Variants in GRM5 observed in about 807,000 individuals in gnomAD.
The protein encoded by GRM5 is metabotropic glutamate receptor 5.
Under a neutral mutation model 83.1 loss-of-function variants are expected in GRM5, and 19 were observed. That is an observed-to-expected ratio of 0.23 (90% CI 0.16 to 0.34). GRM5 has a LOEUF of 0.34. GRM5 is among the 10% of genes least tolerant of loss of function. The pLI is 1.00. For synonymous variants in GRM5, 675 were observed against 633.6 expected (o/e 1.07, Z -0.98); for missense variants, 1,160 against 1,588.3 (o/e 0.73, Z 4.58).
intron 3 of GRM5, among the ~76,000 whole-genome samples, chr11:88,735,279 A>G (rs1002060540): frequency 2.0e-5 from 3 of 152,040 alleles, no homozygotes; most frequent in African/African-American, 7.2e-5. Flanking sequence ...CTTCTCTGGC[A>G]CTTTGTGGTC....
chr11:88,738,652 ATCCT>A (rs1008926161), intron 3 of GRM5, among the ~76,000 whole-genome samples: 7 of 152,138 alleles, frequency 4.6e-5, no homozygotes, highest in East Asian at 3.9e-4. Context: ...ATATGCCCTG[ATCCT>A]TCCTTCCACC....
intron 3 of GRM5, among the ~76,000 whole-genome samples, chr11:88,832,954 T>C (rs1944022184): frequency 6.6e-6 from 1 of 152,012 alleles, no homozygotes; most frequent in Non-Finnish European, 1.5e-5. Flanking sequence ...TCATGATATA[T>C]AAAAACATCT....
At chr11:88,615,904 C>G (rs747653249) in intron 4 of GRM5, among the ~76,000 whole-genome samples, 3 of 152,026 alleles carry the variant, frequency 2.0e-5, no homozygotes, top group African/African-American at 4.8e-5. Context: ...GGTGAATATG[C>G]AAGATGACAT....
chr11:88,910,354 G>T (rs1236415311), intron 2 of GRM5, among the ~76,000 whole-genome samples: 2 of 151,958 alleles, frequency 1.3e-5, no homozygotes. Flanking sequence ...GCTATCATAA[G>T]TAATGTTTTT....
intron 4 of GRM5, among the ~76,000 whole-genome samples, chr11:88,615,574 T>TC (rs1938454039): frequency 6.7e-6 from 1 of 148,952 alleles, no homozygotes; most frequent in Admixed American, 6.8e-5. Flanking sequence ...GCTAACAAAA[T>TC]CAGGACTTTA....
At chr11:89,023,849 CTAAATAAATAAATAAA>C (rs71946693) in intron 2 of GRM5, among the ~76,000 whole-genome samples, 51,232 of 134,344 alleles carry the variant, frequency 0.38, 9,978 homozygotes, top group Non-Finnish European at 0.42. Flanking sequence ...GACTTCATCT[CTAAATAAATAAATAAA>C]TAAATAAATA....
At chr11:88,762,259 G>A (rs1942537127) in intron 3 of GRM5, among the ~76,000 whole-genome samples, 7 of 152,082 alleles carry the variant, frequency 4.6e-5, no homozygotes, top group South Asian at 2.1e-4. Flanking sequence ...ATAACCAACA[G>A]AATGGGAGAA....
intron 3 of GRM5, among the ~76,000 whole-genome samples, chr11:88,843,141 C>T (rs1424108376): frequency 2.0e-4 from 30 of 152,214 alleles, no homozygotes; most frequent in Non-Finnish European, 4.4e-5. Context: ...CTGTCCTACA[C>T]ATCTGTTGGC....
At chr11:88,802,674 G>A (rs1371979677) in intron 3 of GRM5, among the ~76,000 whole-genome samples, 1 of 151,880 alleles carries the variant, frequency 6.6e-6, no homozygotes, top group Non-Finnish European at 1.5e-5. Context: ...AGTGTTGGAA[G>A]TTCTGGCCAG....
At chr11:88,647,350 T>C (rs1301194543) in intron 4 of GRM5, among the ~76,000 whole-genome samples, 1 of 130,786 alleles carries the variant, frequency 7.6e-6, no homozygotes, top group African/African-American at 2.5e-5. Context: ...TTAAAAAAAG[T>C]ATAAGACACT....
intron 4 of GRM5, among the ~76,000 whole-genome samples, chr11:88,643,923 T>C (rs1939369086): frequency 6.6e-6 from 1 of 152,158 alleles, no homozygotes; most frequent in East Asian, 1.9e-4. Flanking sequence ...CTTCAAATAC[T>C]AGTGAGACAT....
At chr11:88,868,105 T>A (rs924643850) in intron 2 of GRM5, among the ~76,000 whole-genome samples, 17 of 151,908 alleles carry the variant, frequency 1.1e-4, no homozygotes, top group Non-Finnish European at 2.5e-4. Context: ...TCTCTGAGCT[T>A]CAGTTTCTTT....
chr11:89,053,803 AG>A, intron 1 of GRM5, among the ~76,000 whole-genome samples: 1 of 152,224 alleles, frequency 6.6e-6, no homozygotes, highest in Non-Finnish European at 1.5e-5. Context: ...AATAGCTAAA[AG>A]AATTAAAGGA....
chr11:88,508,419 G>T lies in GRM5; in HGVS notation c.*173C>A. On this transcript the variant is annotated 3_prime_UTR_variant, in exon 10 of 10. Coordinates refer to ENST00000305447, the MANE Select transcript of GRM5 (RefSeq NM_001143831.3). The surrounding 1 kb of genome is among the most constrained non-coding windows in gnomAD (Gnocchi z 4.2). ...AAATCTGCCAAAAGATTTGTCGTCGGTTTCTTCGTCGGTTGTCATGAGATA... is the reference window on the plus strand; with the variant it reads ...AAATCTGCCAAAAGATTTGTCGTCGTTTTCTTCGTCGGTTGTCATGAGATA... The T allele has an allele frequency of 2.0e-6, 1 of 499,020 alleles. No homozygotes were observed. Among genetic ancestry groups the T allele is most frequent in the Non-Finnish European group, 3.5e-6 (1 of 287,662 alleles). The allele number at this position is 499,020 out of a possible 1,614,324, so 30.9% of individuals were successfully genotyped here.
chr11:89,039,547 AT>A (rs907610394), intron 2 of GRM5, among the ~76,000 whole-genome samples: 3 of 151,972 alleles, frequency 2.0e-5, no homozygotes, highest in African/African-American at 7.3e-5. Context: ...CAAAAAAAAA[AT>A]TTTTTAAATT....
intron 3 of GRM5, among the ~76,000 whole-genome samples, chr11:88,821,518 C>G (rs1426635111): frequency 1.3e-5 from 2 of 152,056 alleles, no homozygotes; most frequent in African/African-American, 4.8e-5. Context: ...TTTCTCTGTT[C>G]CTTCTCCAAT....
chr11:88,889,286 T>C (rs1265587008), intron 2 of GRM5, among the ~76,000 whole-genome samples: 2 of 152,094 alleles, frequency 1.3e-5, no homozygotes, highest in Admixed American at 6.6e-5. Flanking sequence ...GAGTCTAAAC[T>C]GTAAACCAGG....
intron 3 of GRM5, among the ~76,000 whole-genome samples, chr11:88,744,748 G>T (rs923957862): frequency 1.3e-5 from 2 of 152,078 alleles, no homozygotes; most frequent in Non-Finnish European, 2.9e-5. Flanking sequence ...ATCCAATCCT[G>T]ACTCAGGAAT....
chr11:88,739,694 A>C (rs1941990382), intron 3 of GRM5, among the ~76,000 whole-genome samples: 2 of 151,946 alleles, frequency 1.3e-5, no homozygotes, highest in African/African-American at 4.8e-5. Flanking sequence ...CTTCGCTCAC[A>C]CTTCTCTTTT....
Sources: allele counts gnomAD v4.1 joint callset (sites outside exome capture counted in the v4.1 genomes callset), GRCh38; gene constraint gnomAD v4.1.1; non-coding constraint Gnocchi (gnomAD v3.1); transcripts MANE v1.5; gene names NCBI Gene and HGNC (gene_info 2026-07-23, HGNC 2026-07-21).